The following TEAD1 variants were observed in gnomAD, a reference collection of about 807,000 sequenced individuals.
The protein encoded by TEAD1 is transcriptional enhancer factor TEF-1.
A neutral mutation model predicts 54.9 loss-of-function variants in TEAD1; 9 were observed. That is an observed-to-expected ratio of 0.16 (90% CI 0.10 to 0.29). The LOEUF is 0.29. Among genes scored for constraint, TEAD1 ranks in the 10% least tolerant of loss-of-function variants. The probability of loss-of-function intolerance (pLI) is 1.00; values close to 1 mark genes in which losing one functional copy is unlikely to be tolerated. For synonymous variants in TEAD1, 200 were observed against 187.8 expected (o/e 1.07, Z -0.53); for missense variants, 387 against 535.9 (o/e 0.72, Z 2.74).
chr11:12,738,276 A>C (rs1477095761), intron 2 of TEAD1, among the ~76,000 whole-genome samples: 2 of 152,198 alleles, frequency 1.3e-5, no homozygotes, highest in Non-Finnish European at 2.9e-5. Context: ...GAAGAAAATC[A>C]ATTACTGCCC....
intron 9 of TEAD1, among the ~76,000 whole-genome samples, chr11:12,885,329 G>A (rs375902095): frequency 1.6e-4 from 24 of 151,186 alleles, no homozygotes; most frequent in East Asian, 7.8e-4. Context: ...TCTGCCTCCC[G>A]GGTTCACGCC....
rs868651335 is a variant in TEAD1, at chr11:12,901,925, G to C, written c.700-15G>C. On this transcript the variant is annotated splice_polypyrimidine_tract_variant and intron_variant, in intron 9 of 12. Transcript: ENST00000527636. ...AAGAGTTTGTAATGGGAATGTTTCT[G>C]TTGGTTTCTTACAGTACAACAAACA... is the stretch of plus-strand genomic sequence containing the variant. 2.5e-6 allele frequency: 4 copies of C among 1,614,172 alleles called. 1 individual carries two copies. The Middle Eastern group carries it at 4.9e-4, about 200-fold the overall frequency.
At chr11:12,896,018 A>G (rs910170782) in intron 9 of TEAD1, among the ~76,000 whole-genome samples, 8 of 143,714 alleles carry the variant, frequency 5.6e-5, no homozygotes, top group Non-Finnish European at 4.5e-5. Context: ...CAGTCACCCT[A>G]TGTGCTTATA....
intron 9 of TEAD1, among the ~76,000 whole-genome samples, chr11:12,888,401 C>T (rs540821060): frequency 1.4e-4 from 22 of 152,218 alleles, no homozygotes; most frequent in East Asian, 1.4e-3. Flanking sequence ...CTCAGCTACT[C>T]GGGAGACTGA....
chr11:12,819,903 C>T (rs1366050842), intron 3 of TEAD1, among the ~76,000 whole-genome samples: 1 of 151,808 alleles, frequency 6.6e-6, no homozygotes, highest in African/African-American at 2.4e-5. Context: ...TTTTCTTTTT[C>T]CCCGATTGTG....
intron 3 of TEAD1, among the ~76,000 whole-genome samples, chr11:12,789,132 A>G (rs1027453032): frequency 6.6e-6 from 1 of 152,238 alleles, no homozygotes; most frequent in African/African-American, 2.4e-5. Context: ...TTAACATTGT[A>G]AAAGTACATG....
intron 2 of TEAD1, among the ~76,000 whole-genome samples, chr11:12,714,330 C>T (rs909355618): frequency 6.6e-6 from 1 of 152,178 alleles, no homozygotes; most frequent in Non-Finnish European, 1.5e-5. Flanking sequence ...TCTTTGTCCC[C>T]AGCAGCTCTG....
At chr11:12,840,246 C>CAAAAGAAAAAA (rs1946999716) in intron 3 of TEAD1, among the ~76,000 whole-genome samples, 3 of 31,580 alleles carry the variant, frequency 9.5e-5, no homozygotes, top group African/African-American at 4.8e-4. Context: ...GACTCTGCCT[C>CAAAAGAAAAAA]AAAAAAAAAA....
At chr11:12,912,682 G>A (rs946731674) in intron 10 of TEAD1, among the ~76,000 whole-genome samples, 1 of 152,176 alleles carries the variant, frequency 6.6e-6, no homozygotes, top group African/African-American at 2.4e-5. Context: ...GGATAGCTTG[G>A]AAAATGAGCA....
chr11:12,930,263 G>A lies in TEAD1; in HGVS notation c.1104G>A (p.Lys368=). Residue 368 remains lysine, a synonymous_variant, in exon 12 of 13, where the codon AAG becomes AAA. Transcript: ENST00000527636. ...AATATATGATCAACTTCATCCACAA[G>A]CTCAAACACTTACCAGAGAAATATA... 1.2e-6 allele frequency: 2 copies of A among 1,614,166 alleles called. No individual in the cohort carries two copies. The highest frequency in any genetic ancestry group is 1.7e-6 in the Non-Finnish European group (2 of 1,180,028).
chr11:12,879,761 C>T lies in TEAD1; in HGVS notation c.384C>T (p.Ala128=). The change falls in exon 6 of 13, where the codon GCC becomes GCT. Residue 128 remains alanine, a synonymous_variant. Coordinates refer to ENST00000527636, the MANE Select transcript of TEAD1 (RefSeq NM_021961.6). The stretch of plus-strand genomic sequence containing the variant: ...AGCACATGGCGGCCATGTCCTCAGC[C>T]CAGATCGTCTCGGCCACTGCCATTC... 5.0e-6 allele frequency: 8 copies of T among 1,614,198 alleles called. No homozygotes were observed. In the South Asian group the frequency reaches 8.8e-5, roughly 18 times the overall value.
At chr11:12,790,079 G>C (rs953283398) in intron 3 of TEAD1, among the ~76,000 whole-genome samples, 18 of 152,392 alleles carry the variant, frequency 1.2e-4, no homozygotes, top group Admixed American at 5.9e-4. Flanking sequence ...TTCCTGGACT[G>C]CTGGCTGGGG....
chr11:12,837,779 C>CTCCTCTTCCT (rs1946934151), intron 3 of TEAD1, among the ~76,000 whole-genome samples: 2 of 138,570 alleles, frequency 1.4e-5, no homozygotes, highest in African/African-American at 2.7e-5. Flanking sequence ...CCTTCTCTTC[C>CTCCTCTTCCT]TCTTCTTCCT....
At chr11:12,774,093 G>T (rs530191813) in intron 3 of TEAD1, among the ~76,000 whole-genome samples, 18 of 152,318 alleles carry the variant, frequency 1.2e-4, no homozygotes, top group Admixed American at 1.0e-3. Context: ...GGAGGGGCTG[G>T]TAGGCCATGA....
chr11:12,768,180 A>G (rs750365750), intron 3 of TEAD1, among the ~76,000 whole-genome samples: 42 of 152,182 alleles, frequency 2.8e-4, no homozygotes, highest in Admixed American at 2.7e-3. Context: ...TCTATAAATA[A>G]TATGAATCCT....
chr11:12,845,052 G>C (rs1316555883), intron 3 of TEAD1, among the ~76,000 whole-genome samples: 1 of 134,550 alleles, frequency 7.4e-6, no homozygotes, highest in Non-Finnish European at 1.5e-5. Flanking sequence ...TGCAACCTCT[G>C]CCTCCTGGAT....
intron 2 of TEAD1, among the ~76,000 whole-genome samples, chr11:12,761,450 C>G (rs983521787): frequency 6.6e-6 from 1 of 152,156 alleles, no homozygotes; most frequent in African/African-American, 2.4e-5. Flanking sequence ...CATCTTTGGG[C>G]TGTGGGCTGA....
At chr11:12,692,678 G>A (rs888681643) in intron 2 of TEAD1, among the ~76,000 whole-genome samples, 3 of 152,164 alleles carry the variant, frequency 2.0e-5, no homozygotes, top group African/African-American at 4.8e-5. Flanking sequence ...GTGCCCCGCG[G>A]TAAACTCAGT....
At chr11:12,821,294 T>C (rs1946540169) in intron 3 of TEAD1, among the ~76,000 whole-genome samples, 1 of 152,244 alleles carries the variant, frequency 6.6e-6, no homozygotes, top group African/African-American at 2.4e-5. Context: ...GTTCAGAGTT[T>C]TGAATTCTGG....
Sources: allele counts gnomAD v4.1 joint callset (sites outside exome capture counted in the v4.1 genomes callset), GRCh38; gene constraint gnomAD v4.1.1; transcripts MANE v1.5; gene names NCBI Gene and HGNC (gene_info 2026-07-23, HGNC 2026-07-21).